Variants in CNTNAP2 observed in about 807,000 individuals in gnomAD.
CNTNAP2 encodes the protein contactin associated protein 2, also known as contactin-associated protein-like 2.
CNTNAP2 carries 98 observed loss-of-function variants against 155.2 expected under a neutral mutation model. That is an observed-to-expected ratio of 0.63 (90% CI 0.54 to 0.75). The LOEUF (loss-of-function observed/expected upper bound fraction) is 0.75. CNTNAP2 is among the 30% of genes least tolerant of loss of function. The pLI is 0.00. For missense variants in CNTNAP2, 1,727 were observed against 1,688.1 expected (o/e 1.02, Z -0.40); for synonymous variants, 651 against 631.2 (o/e 1.03, Z -0.47).
At chr7:147,231,339 A>ACTT (rs1434388780) in intron 8 of CNTNAP2, among the ~76,000 whole-genome samples, 1 of 152,186 alleles carries the variant, frequency 6.6e-6, no homozygotes, top group East Asian at 1.9e-4. Flanking sequence ...TGTGACTGAC[A>ACTT]CTTAGGTTGT....
chr7:146,148,683 C>T (rs565191607), intron 1 of CNTNAP2, among the ~76,000 whole-genome samples: 19 of 151,834 alleles, frequency 1.3e-4, no homozygotes, highest in Admixed American at 5.3e-4. Flanking sequence ...AAATGATGAA[C>T]GTGGATAATT....
intron 13 of CNTNAP2, among the ~76,000 whole-genome samples, chr7:147,853,402 T>A (rs1798984385): frequency 6.6e-6 from 1 of 152,322 alleles, no homozygotes; most frequent in Non-Finnish European, 1.5e-5. Flanking sequence ...TAGAAAGTAA[T>A]GTGTTTTAAA....
intron 1 of CNTNAP2, among the ~76,000 whole-genome samples, chr7:146,483,548 C>T (rs975577972): frequency 1.3e-5 from 2 of 148,276 alleles, no homozygotes; most frequent in Non-Finnish European, 3.0e-5. Context: ...TCCTAGTAAT[C>T]GGGAGTTTTG....
At chr7:148,350,331 C>T (rs1190130377) in intron 21 of CNTNAP2, among the ~76,000 whole-genome samples, 1 of 152,170 alleles carries the variant, frequency 6.6e-6, no homozygotes, top group Non-Finnish European at 1.5e-5. Context: ...CAGGCTGGTT[C>T]TCTAATTCCC....
chr7:147,994,416 T>C (rs1283901103), intron 15 of CNTNAP2, among the ~76,000 whole-genome samples: 2 of 152,022 alleles, frequency 1.3e-5, no homozygotes, highest in African/African-American at 2.4e-5. Flanking sequence ...TGAACCTACT[T>C]TAACCCAAGG....
chr7:146,876,955 T>C (rs1795441621), intron 3 of CNTNAP2, among the ~76,000 whole-genome samples: 1 of 152,164 alleles, frequency 6.6e-6, no homozygotes, highest in Non-Finnish European at 1.5e-5. Context: ...TTTCACTATT[T>C]AGGTTATTGG....
chr7:146,375,549 G>A (rs1194315916), intron 1 of CNTNAP2, among the ~76,000 whole-genome samples: 1 of 152,138 alleles, frequency 6.6e-6, no homozygotes, highest in Admixed American at 6.5e-5. Flanking sequence ...TAAAAGATTG[G>A]TGGCATAAAG....
chr7:148,161,116 C>T (rs1805527920), intron 17 of CNTNAP2, among the ~76,000 whole-genome samples: 1 of 152,180 alleles, frequency 6.6e-6, no homozygotes, highest in Non-Finnish European at 1.5e-5. Context: ...TTCAATATCT[C>T]CAACTAATTC....
At position 146,256,330 on chromosome 7, in the gene CNTNAP2, G is replaced by A. The variant is rs181126230; in HGVS notation, c.97+139357G>A. Among the ~76,000 whole-genome samples, 120 of 152,200 alleles carry A rather than the reference G, an allele frequency of 7.9e-4. 2 individuals carry two copies. The highest frequency in any genetic ancestry group is 6.8e-3 in the Middle Eastern group (2 of 294). The stretch of plus-strand genomic sequence containing the variant: ...TCATAAATGGAACATATAATAAAAT[G>A]TTAGGAAATTTGGACATTTTATTTC... On this transcript the variant is annotated intron_variant, in intron 1 of 23. Transcript: ENST00000361727.
chr7:147,073,213 C>T lies in CNTNAP2; in HGVS notation c.550+29159C>T, dbSNP rs10272382. 7.4e-3 allele frequency among the ~76,000 whole-genome samples: 1,049 copies of T among 141,342 alleles called. 17 individuals are homozygous for T. The highest frequency in any genetic ancestry group is 0.028 in the African/African-American group (973 of 34,722). 92.7% of individuals were successfully genotyped at this position (141,342 alleles called of 152,430 possible). ...AAGAAAATGTGGTACATATATTCCA[C>T]AAAATACTATGTAGCCATAAAAAGA... On this transcript the variant is annotated intron_variant, in intron 4 of 23. Transcript: ENST00000361727.
chr7:147,108,048 A>G, intron 4 of CNTNAP2, 99 bp from the exon 5 acceptor site: 1 of 1,062,784 alleles, frequency 9.4e-7, no homozygotes, highest in Non-Finnish European at 1.4e-6. Flanking sequence ...CTCAAGAAAA[A>G]CACTTACTTA....
intron 1 of CNTNAP2, among the ~76,000 whole-genome samples, chr7:146,443,230 T>TAAATAAATA (rs1554434107): frequency 1.4e-5 from 2 of 147,772 alleles, no homozygotes; most frequent in African/African-American, 5.0e-5. Context: ...AATAAATAAA[T>TAAATAAATA]AATAAATAAA....
rs1393567516 is a variant in CNTNAP2, at chr7:147,578,884, C to A, written c.1897+16627C>A. ...GCCTTCTCTAAGCTTAGAAAACTCA[C>A]AAAGTTTATGAACTTTAAATCAAAA... On this transcript the variant is annotated intron_variant, in intron 12 of 23. Transcript: ENST00000361727. 2.0e-5 allele frequency among the ~76,000 whole-genome samples: 3 copies of A among 152,176 alleles called. No individual in the cohort carries two copies. The East Asian group carries it at 5.8e-4, about 29-fold the overall frequency.
At chr7:147,600,584 G>T (rs911222552) in intron 12 of CNTNAP2, among the ~76,000 whole-genome samples, 3 of 152,050 alleles carry the variant, frequency 2.0e-5, no homozygotes, top group Non-Finnish European at 4.4e-5. Context: ...TGGAAGACTG[G>T]GCCAAGAAGA....
intron 3 of CNTNAP2, among the ~76,000 whole-genome samples, chr7:146,933,350 T>C (rs61510773): frequency 9.8e-4 from 149 of 151,848 alleles, no homozygotes; most frequent in African/African-American, 3.4e-3. Context: ...GGATTCCCTA[T>C]TTAATAAATG....
chr7:146,483,086 C>G (rs1174268884), intron 1 of CNTNAP2, among the ~76,000 whole-genome samples: 1 of 150,968 alleles, frequency 6.6e-6, no homozygotes, highest in East Asian at 2.0e-4. Flanking sequence ...ACCATCCTGG[C>G]TAACACGGTG....
chr7:146,282,094 G>A (rs1800261455), intron 1 of CNTNAP2, among the ~76,000 whole-genome samples: 1 of 152,184 alleles, frequency 6.6e-6, no homozygotes, highest in African/African-American at 2.4e-5. Context: ...AGTCTCCACA[G>A]ATGTATGTTC....
chr7:146,233,843 A>G (rs1799427089), intron 1 of CNTNAP2, among the ~76,000 whole-genome samples: 1 of 150,536 alleles, frequency 6.6e-6, no homozygotes, highest in Non-Finnish European at 1.5e-5. Flanking sequence ...TATGTGCCAC[A>G]TTTTCTTCAT....
At chr7:148,285,713 T>G (rs1402194830) in intron 21 of CNTNAP2, among the ~76,000 whole-genome samples, 1 of 152,262 alleles carries the variant, frequency 6.6e-6, no homozygotes, top group East Asian at 1.9e-4. Context: ...GAACCATGAT[T>G]CCAGGGTGGG....
Sources: gnomAD v4.1 joint callset for allele counts (sites outside exome capture counted in the v4.1 genomes callset) on GRCh38, gnomAD v4.1.1 for gene constraint, MANE v1.5 for transcripts, NCBI Gene and HGNC (gene_info 2026-07-23, HGNC 2026-07-21) for gene names.